CSMD1: variants seen among roughly 807,000 people sequenced by gnomAD.
CSMD1 encodes CUB and Sushi multiple domains 1.
A neutral mutation model predicts 417.5 loss-of-function variants in CSMD1; 213 were observed. The ratio of observed to expected loss-of-function variants is 0.51; its 90% CI spans 0.46 to 0.57. The LOEUF (loss-of-function observed/expected upper bound fraction) is 0.57. CSMD1 is among the 20% of genes least tolerant of loss of function. The pLI is 0.00. For missense variants in CSMD1, 6,923 were observed against 4,529.7 expected, an observed-to-expected ratio of 1.53 and a Z score of -15.17; for synonymous variants, 2,862 against 1,736.8, an observed-to-expected ratio of 1.65 and a Z score of -16.11.
At chr8:3,038,588 G>A (rs934310844) in intron 50 of CSMD1, among the ~76,000 whole-genome samples, 3 of 152,012 alleles carry the variant, frequency 2.0e-5, no homozygotes, top group Non-Finnish European at 2.9e-5. Flanking sequence ...GGTTTCACAT[G>A]TTGCCTGCTT....
intron 7 of CSMD1, among the ~76,000 whole-genome samples, chr8:3,647,305 C>T (rs1797623330): frequency 6.6e-6 from 1 of 152,086 alleles, no homozygotes; most frequent in African/African-American, 2.4e-5. Context: ...ATGTGTGAGC[C>T]TGGGTTGTAT....
At chr8:4,100,635 T>C (rs1023728567) in intron 3 of CSMD1, among the ~76,000 whole-genome samples, 4 of 152,064 alleles carry the variant, frequency 2.6e-5, no homozygotes, top group Non-Finnish European at 1.5e-5. Context: ...TGGGGATAAG[T>C]ATGTCCATCA....
intron 21 of CSMD1, among the ~76,000 whole-genome samples, chr8:3,349,079 A>G (rs1341669683): frequency 1.3e-5 from 2 of 152,248 alleles, no homozygotes; most frequent in Non-Finnish European, 2.9e-5. Flanking sequence ...TGCCCAGCAC[A>G]CCGATGTAAA....
intron 7 of CSMD1, among the ~76,000 whole-genome samples, chr8:3,633,117 T>C (rs932219946): frequency 6.6e-6 from 1 of 152,252 alleles, no homozygotes; most frequent in Admixed American, 6.5e-5. Flanking sequence ...TAACATTTAT[T>C]TCTCTAACTT....
intron 1 of CSMD1, among the ~76,000 whole-genome samples, chr8:4,855,607 C>A (rs188222944): frequency 8.7e-4 from 132 of 152,124 alleles, no homozygotes; most frequent in African/African-American, 2.8e-3. Context: ...GCGAGAACTA[C>A]GTGAAGAATG....
intron 3 of CSMD1, among the ~76,000 whole-genome samples, chr8:4,147,075 C>T (rs923172140): frequency 2.0e-5 from 3 of 151,978 alleles, no homozygotes; most frequent in Admixed American, 2.0e-4. Context: ...CTAACTCCAG[C>T]TGTCCTCACT....
chr8:3,015,608 A>C (rs1808765144), intron 52 of CSMD1, among the ~76,000 whole-genome samples: 1 of 152,028 alleles, frequency 6.6e-6, no homozygotes, highest in African/African-American at 2.4e-5. Flanking sequence ...GTGAAATTAT[A>C]TATATATATA....
chr8:4,610,585 C>G (rs1435723424), intron 2 of CSMD1, among the ~76,000 whole-genome samples: 1 of 152,124 alleles, frequency 6.6e-6, no homozygotes, highest in Non-Finnish European at 1.5e-5. Flanking sequence ...TTCCTCCCTG[C>G]TTTGGTAAAT....
intron 1 of CSMD1, among the ~76,000 whole-genome samples, chr8:4,886,127 A>G (rs1416130557): frequency 6.6e-6 from 1 of 152,020 alleles, no homozygotes; most frequent in Non-Finnish European, 1.5e-5. Flanking sequence ...AGTAGCTGAG[A>G]CCACAGGCAC....
At chr8:3,253,222 T>C (rs1800402844) in intron 26 of CSMD1, among the ~76,000 whole-genome samples, 1 of 152,190 alleles carries the variant, frequency 6.6e-6, no homozygotes, top group Non-Finnish European at 1.5e-5. Context: ...GATTCTGGTA[T>C]GTTGTGTCTT....
intron 33 of CSMD1, among the ~76,000 whole-genome samples, chr8:3,191,681 A>G (rs955766163): frequency 3.3e-5 from 5 of 152,198 alleles, no homozygotes; most frequent in Admixed American, 6.5e-5. Flanking sequence ...AGAAATTACC[A>G]TCTACAGGAG....
At chr8:2,999,088 G>A (rs1477937821) in intron 53 of CSMD1, among the ~76,000 whole-genome samples, 3 of 151,722 alleles carry the variant, frequency 2.0e-5, no homozygotes, top group Admixed American at 6.6e-5. Context: ...AATATTTATC[G>A]CTGAAGTTAT....
At chr8:3,802,982 G>C (rs1245468507) in intron 5 of CSMD1, among the ~76,000 whole-genome samples, 8 of 152,126 alleles carry the variant, frequency 5.3e-5, no homozygotes, top group Non-Finnish European at 1.2e-4. Context: ...TCATGTTGTA[G>C]GGTGAAATAT....
At chr8:4,084,723 C>G (rs887107770) in intron 3 of CSMD1, among the ~76,000 whole-genome samples, 2 of 151,804 alleles carry the variant, frequency 1.3e-5, no homozygotes, top group Admixed American at 6.6e-5. Flanking sequence ...AAAGCAGCCC[C>G]TCTGCTCTCT....
At chr8:3,348,789 G>A (rs1414884412) in intron 21 of CSMD1, among the ~76,000 whole-genome samples, 1 of 152,120 alleles carries the variant, frequency 6.6e-6, no homozygotes, top group Admixed American at 6.5e-5. Flanking sequence ...ATCTAAATTT[G>A]TATCAAACAA....
At chr8:4,794,898 A>G (rs552240903) in intron 1 of CSMD1, among the ~76,000 whole-genome samples, 1 of 152,164 alleles carries the variant, frequency 6.6e-6, no homozygotes, top group Non-Finnish European at 1.5e-5. Context: ...GTGGCAAGAA[A>G]TTAAATCAGG....
chr8:3,858,396 C>A (rs187844956), intron 5 of CSMD1, among the ~76,000 whole-genome samples: 25 of 152,014 alleles, frequency 1.6e-4, no homozygotes, highest in African/African-American at 5.8e-4. Flanking sequence ...AAAATGAATT[C>A]TATGCTGTTT....
chr8:3,474,185 C>G (rs758425462), intron 11 of CSMD1, among the ~76,000 whole-genome samples: 6 of 152,130 alleles, frequency 3.9e-5, no homozygotes, highest in Non-Finnish European at 8.8e-5. Flanking sequence ...CATCCCAAAG[C>G]TGTGCATGTG....
intron 3 of CSMD1, among the ~76,000 whole-genome samples, chr8:4,168,619 T>G (rs375014865): frequency 4.6e-5 from 7 of 152,074 alleles, no homozygotes; most frequent in Non-Finnish European, 7.4e-5. Flanking sequence ...GTGTGCAAGA[T>G]GAACATCTTA....
Sources: gnomAD v4.1 joint callset for allele counts (sites outside exome capture counted in the v4.1 genomes callset) on GRCh38, gnomAD v4.1.1 for gene constraint, MANE v1.5 for transcripts, NCBI Gene and HGNC (gene_info 2026-07-23, HGNC 2026-07-21) for gene names.